GLRA2: variants seen among roughly 807,000 people sequenced by gnomAD.
GLRA2 encodes the protein glycine receptor subunit alpha-2.
Under a neutral mutation model 31.6 loss-of-function variants are expected in GLRA2, and 11 were observed. That is an observed-to-expected ratio of 0.35 (90% CI 0.22 to 0.58). The LOEUF (loss-of-function observed/expected upper bound fraction) is 0.58, where lower values mean the gene tolerates loss of function less well. Among genes scored for constraint, GLRA2 ranks in the 20% least tolerant of loss-of-function variants. The pLI is 0.84. For synonymous variants in GLRA2, 132 were observed against 134.0 expected (o/e 0.99, Z 0.10); for missense variants, 212 against 351.8 (o/e 0.60, Z 3.18).
the GLRA2 span, among the ~76,000 whole-genome samples, chrX:14,497,650 C>T: frequency 9.0e-6 from 1 of 111,671 alleles, no homozygotes; most frequent in African/African-American, 3.3e-5. Flanking sequence ...AGCATTTTCA[C>T]TTCGTTCTGT....
chrX:14,661,135 C>T (rs2090986777), intron 7 of GLRA2, among the ~76,000 whole-genome samples: 1 of 111,931 alleles, frequency 8.9e-6, no homozygotes, highest in Non-Finnish European at 1.9e-5. Context: ...AATGAACAGA[C>T]ACATACTTTT....
At chrX:14,486,464 A>G in the GLRA2 span, among the ~76,000 whole-genome samples, 6 of 111,892 alleles carry the variant, frequency 5.4e-5, no homozygotes, top group African/African-American at 1.9e-4. Context: ...AATAGGGAGA[A>G]GATATTTGCA....
intron 2 of GLRA2, among the ~76,000 whole-genome samples, chrX:14,557,662 A>AT (rs1412268046): frequency 2.7e-5 from 3 of 110,752 alleles, no homozygotes; most frequent in South Asian, 3.8e-4. Context: ...AACTGGGGAG[A>AT]TTTTGTCTCA....
chrX:14,476,325 A>G, the GLRA2 span, among the ~76,000 whole-genome samples: 1 of 111,801 alleles, frequency 8.9e-6, no homozygotes, highest in Non-Finnish European at 1.9e-5. Context: ...CTACTCACTC[A>G]GACTTAGCTT....
At chrX:14,487,838 G>A in the GLRA2 span, among the ~76,000 whole-genome samples, 1 of 111,723 alleles carries the variant, frequency 9.0e-6, no homozygotes, top group Non-Finnish European at 1.9e-5. Flanking sequence ...GCTAATCTGA[G>A]TGGTTCAGAT....
In GLRA2 at chrX:14,688,788, G is replaced by T. The variant is rs771835874; in HGVS notation, c.931-1922G>T. Among the ~76,000 whole-genome samples, 120 of 110,121 alleles carry T rather than the reference G, an allele frequency of 1.1e-3. 1 individual carries two copies. Among genetic ancestry groups the T allele is most frequent in the African/African-American group, 3.4e-3 (104 of 30,294 alleles). Reference sequence around the variant, plus strand: ...CCTCACCCTGGTCCGGCTCACGCTCGGTGGGCTGCACCCACTGTCCTGCCC... The same window carrying T: ...CCTCACCCTGGTCCGGCTCACGCTCTGTGGGCTGCACCCACTGTCCTGCCC... On this transcript the variant is annotated intron_variant, in intron 7 of 8. Transcript: ENST00000218075.
At chrX:14,451,295 T>A in the GLRA2 span, among the ~76,000 whole-genome samples, 1 of 110,804 alleles carries the variant, frequency 9.0e-6, no homozygotes, top group East Asian at 2.8e-4. Context: ...CACATGTCAA[T>A]ATTAACCTTG....
intron 7 of GLRA2, among the ~76,000 whole-genome samples, chrX:14,614,034 A>G (rs760695731): frequency 8.9e-6 from 1 of 112,009 alleles, no homozygotes; most frequent in South Asian, 3.7e-4. Context: ...AGTCTCATGT[A>G]CAATTCAATG....
At chrX:14,669,199 C>G (rs1328697615) in intron 7 of GLRA2, among the ~76,000 whole-genome samples, 1 of 112,372 alleles carries the variant, frequency 8.9e-6, no homozygotes, top group African/African-American at 3.2e-5. Context: ...CCAGGTGACT[C>G]TGATGCAAGA....
intron 7 of GLRA2, among the ~76,000 whole-genome samples, chrX:14,665,623 A>G (rs953691119): frequency 2.7e-5 from 3 of 111,774 alleles, no homozygotes; most frequent in African/African-American, 9.8e-5. Context: ...TATGGCACAA[A>G]TCATCTTAAC....
chrX:14,499,142 C>T, the GLRA2 span, among the ~76,000 whole-genome samples: 1 of 111,756 alleles, frequency 8.9e-6, no homozygotes, highest in Admixed American at 9.4e-5. Flanking sequence ...AGTGGAATTG[C>T]TGAATTATAT....
At chrX:14,708,653 C>T (rs907967094) in intron 8 of GLRA2, among the ~76,000 whole-genome samples, 1 of 111,771 alleles carries the variant, frequency 8.9e-6, no homozygotes, top group Non-Finnish European at 1.9e-5. Flanking sequence ...AGAGAGACAT[C>T]AGGCCAGGCG....
intron 2 of GLRA2, among the ~76,000 whole-genome samples, chrX:14,535,768 T>C (rs1601687039): frequency 8.9e-6 from 1 of 112,745 alleles, no homozygotes; most frequent in East Asian, 2.8e-4. Context: ...TGATTTATCA[T>C]GGTGTTATTC....
chrX:14,545,680 A>G (rs1428799997), intron 2 of GLRA2, among the ~76,000 whole-genome samples: 1 of 111,679 alleles, frequency 9.0e-6, no homozygotes, highest in Non-Finnish European at 1.9e-5. Context: ...TTTGTTTTAT[A>G]TAATCTGAGT....
intron 4 of GLRA2, among the ~76,000 whole-genome samples, chrX:14,588,854 G>A (rs2090110523): frequency 9.0e-6 from 1 of 111,159 alleles, no homozygotes. Flanking sequence ...AAATGGTATT[G>A]TGTTCTTAAT....
chrX:14,612,983 A>T (rs1290729621), intron 7 of GLRA2, among the ~76,000 whole-genome samples: 1 of 110,888 alleles, frequency 9.0e-6, no homozygotes, highest in Non-Finnish European at 1.9e-5. Flanking sequence ...ATAATAATAA[A>T]AATATGAACA....
chrX:14,510,364 T>G, the GLRA2 span, among the ~76,000 whole-genome samples: 2 of 111,902 alleles, frequency 1.8e-5, no homozygotes, highest in African/African-American at 6.5e-5. Context: ...TTGTCTTTCC[T>G]TCTCAACTCC....
chrX:14,582,827 C>G (rs1448418649), intron 4 of GLRA2, among the ~76,000 whole-genome samples: 1 of 111,932 alleles, frequency 8.9e-6, no homozygotes, highest in African/African-American at 3.3e-5. Flanking sequence ...CTACTCAACT[C>G]TATCATTATA....
In GLRA2 at chrX:14,586,480, A is replaced by C. The variant is rs187618084; in HGVS notation, c.494+5074A>C. 5.3e-5 allele frequency among the ~76,000 whole-genome samples: 6 copies of C among 112,492 alleles called. No individual in the cohort carries two copies. In the East Asian group the frequency reaches 1.7e-3, roughly 31 times the overall value. On this transcript the variant is annotated intron_variant, in intron 4 of 8. Coordinates refer to ENST00000218075, the MANE Select transcript of GLRA2 (RefSeq NM_002063.4). ...GACAAGAGTATACATTTTGATTTGTAAACCTTCTTCAGAGAAAGTCAATAA... is the reference window on the plus strand; with the variant it reads ...GACAAGAGTATACATTTTGATTTGTCAACCTTCTTCAGAGAAAGTCAATAA...
Sources: gnomAD v4.1 joint callset for allele counts (sites outside exome capture counted in the v4.1 genomes callset) on GRCh38, gnomAD v4.1.1 for gene constraint, MANE v1.5 for transcripts, NCBI Gene and HGNC (gene_info 2026-07-23, HGNC 2026-07-21) for gene names.